The following RRP12 variants were observed in gnomAD, a reference collection of about 807,000 sequenced individuals.
The protein encoded by RRP12 is RRP12-like protein.
In RRP12, 78 loss-of-function variants were observed where a neutral mutation model predicts 157.3. The ratio of observed to expected loss-of-function variants is 0.50; its 90% CI spans 0.41 to 0.60. The LOEUF is 0.60. RRP12 is among the 20% of genes least tolerant of loss of function. The pLI, the probability that RRP12 is intolerant of heterozygous loss-of-function variation, is 0.00. For missense variants in RRP12, 1,521 were observed against 1,679.9 expected (o/e 0.91, Z 1.65); for synonymous variants, 726 against 670.9 (o/e 1.08, Z -1.27).
chr10:97,380,461 T>A (rs7092350), intron 13 of RRP12, among the ~76,000 whole-genome samples: 58,098 of 152,074 alleles, frequency 0.38, 11,575 homozygotes, highest in African/African-American at 0.5. Context: ...TGTTTAGAAC[T>A]TCAATGCTAT....
chr10:97,379,917 G>T, intron 13 of RRP12, 147 bp from the exon 14 acceptor site: 1 of 645,386 alleles, frequency 1.5e-6, no homozygotes, highest in South Asian at 3.2e-5. Context: ...ATTAACCACT[G>T]GTGACTGTAA....
At chr10:97,394,526 A>C (rs1456169879) in intron 3 of RRP12, among the ~76,000 whole-genome samples, 2 of 152,108 alleles carry the variant, frequency 1.3e-5, no homozygotes, top group South Asian at 2.1e-4. Flanking sequence ...AGCAGCTAGA[A>C]CTACAGGCAT....
chr10:97,389,884 T>C (rs1223090554), intron 6 of RRP12, among the ~76,000 whole-genome samples: 2 of 152,038 alleles, frequency 1.3e-5, no homozygotes, highest in African/African-American at 4.8e-5. Flanking sequence ...GGCTAATTTT[T>C]ATATTTTTAG....
intron 30 of RRP12, among the ~76,000 whole-genome samples, chr10:97,360,861 C>T (rs558597403): frequency 8.5e-5 from 13 of 152,186 alleles, no homozygotes; most frequent in Non-Finnish European, 1.6e-4. Context: ...CTGGTGGCGG[C>T]CGTTCCTGCT....
At chr10:97,397,451 C>A (rs575680460) in intron 2 of RRP12, among the ~76,000 whole-genome samples, 1 of 152,078 alleles carries the variant, frequency 6.6e-6, no homozygotes, top group African/African-American at 2.4e-5. Flanking sequence ...CGTGAGCCAC[C>A]TCGCCTGGTA....
In RRP12 at chr10:97,357,039, TG is replaced by T. The variant is rs2134988727; in HGVS notation, c.*54del. 2.9e-6 allele frequency: 3 copies of T among 1,034,606 alleles called. No homozygotes were observed. Among genetic ancestry groups the T allele is most frequent in the South Asian group, 1.4e-5 (1 of 73,478 alleles). The allele number at this position is 1,034,606 out of a possible 1,614,324, so 64.1% of individuals were successfully genotyped here. The stretch of plus-strand genomic sequence containing the variant: ...ACCTGGAGCTGGTGGCAAGGCAGCC[TG>T]GGGGCTGAAAGGGCCTCAGACTGGA... On this transcript the variant is annotated 3_prime_UTR_variant, in exon 34 of 34. Transcript: ENST00000370992.
intron 6 of RRP12, among the ~76,000 whole-genome samples, chr10:97,388,978 C>A (rs1298210722): frequency 6.6e-6 from 1 of 152,182 alleles, no homozygotes; most frequent in Non-Finnish European, 1.5e-5. Context: ...TGTTCTAGGT[C>A]CTGGCAAACT....
At chr10:97,387,884 G>C (rs1304835834) in intron 8 of RRP12, 1 of 175,700 alleles carries the variant, frequency 5.7e-6, no homozygotes, top group Non-Finnish European at 1.1e-5. Context: ...AGAGGTTGCA[G>C]TGAGCCAAGA....
At chr10:97,370,861 T>C in intron 21 of RRP12, 62 bp downstream of exon 21, 2 of 1,609,718 alleles carry the variant, frequency 1.2e-6, no homozygotes, top group South Asian at 1.1e-5. Context: ...GCCTCAACAG[T>C]GGCTCCTTTC....
intron 2 of RRP12, among the ~76,000 whole-genome samples, chr10:97,399,780 TG>T (rs1845085511): frequency 1.4e-5 from 2 of 147,024 alleles, no homozygotes; most frequent in South Asian, 4.3e-4. Context: ...TAGCCGGGCG[TG>T]GTGGCACATG....
intron 6 of RRP12, 55 bp downstream of exon 6, chr10:97,390,368 G>A (rs766372122): frequency 1.2e-5 from 17 of 1,362,204 alleles, no homozygotes; most frequent in Middle Eastern, 4.2e-4. Flanking sequence ...GGGCTGCACT[G>A]GGCTGAGTGG....
Position 97,379,276 on chromosome 10 carries a change from G to A in RRP12, c.1798+17C>T, listed in dbSNP as rs775239219. ...GTGGGGAGCCTCAGGTCACACACAG[G>A]CAAGGGTCTCTCCTACCTTTGCTCT... On this transcript the variant is annotated intron_variant, in intron 15 of 33. Transcript: ENST00000370992. The A allele has an allele frequency of 1.9e-6, 3 of 1,613,186 alleles. No individual in the cohort carries two copies. Among genetic ancestry groups the A allele is most frequent in the East Asian group, 2.2e-5 (1 of 44,838 alleles).
intron 10 of RRP12, 115 bp from the exon 11 acceptor site, chr10:97,381,941 C>A: frequency 1.4e-6 from 1 of 701,494 alleles, no homozygotes; most frequent in African/African-American, 1.8e-5. Flanking sequence ...CAGTGATCTG[C>A]AGGGCTCCGT....
intron 10 of RRP12, among the ~76,000 whole-genome samples, chr10:97,382,281 G>T (rs1240171342): frequency 6.6e-6 from 1 of 151,834 alleles, no homozygotes; most frequent in Non-Finnish European, 1.5e-5. Context: ...AGTAGCTGGG[G>T]CTACAGGCAC....
intron 17 of RRP12, 56 bp downstream of exon 17, chr10:97,373,519 G>A: frequency 6.6e-7 from 1 of 1,511,560 alleles, no homozygotes; most frequent in Non-Finnish European, 8.9e-7. Context: ...GCCAGGGGAT[G>A]GGGCCAGGGA....
In RRP12 at chr10:97,372,762, G is replaced by C; in HGVS notation, c.2223C>G (p.Leu741=). The C allele has an allele frequency of 6.4e-7, 1 of 1,563,070 alleles. No individual in the cohort carries two copies. Among genetic ancestry groups the C allele is most frequent in the Non-Finnish European group, 8.7e-7 (1 of 1,153,176 alleles). The change falls in exon 19 of 34, where the codon CTC becomes CTG. Residue 741 remains leucine (L), a synonymous_variant. Coordinates refer to ENST00000370992, the MANE Select transcript of RRP12 (RefSeq NM_015179.4). ...SLLEKASEKV[L]DPASSDFTRL... ...TGGTAAAGTCAGAGCTGGCAGGGTCGAGCACCTTCTCACTGGCTTTTTCCA... is the reference window on the plus strand; with the variant it reads ...TGGTAAAGTCAGAGCTGGCAGGGTCCAGCACCTTCTCACTGGCTTTTTCCA...
At position 97,358,566 on chromosome 10, in the gene RRP12, G is replaced by T. The variant is rs1843768511; in HGVS notation, c.3762C>A (p.Ile1254=). 1 of 1,613,886 alleles carries T rather than the reference G, an allele frequency of 6.2e-7. No individual in the cohort carries two copies. Among genetic ancestry groups the T allele is most frequent in the African/African-American group, 1.3e-5 (1 of 74,868 alleles). The change falls in exon 33 of 34, where the codon ATC becomes ATA. Residue 1254 remains isoleucine, a synonymous_variant. Transcript: ENST00000370992. Reference sequence around the variant, plus strand: ...GGTTGAGCTTGCTTCTGTTGAGGGGGATGTAGGCATAGGGATCCGGCCGGC... The same window carrying T: ...GGTTGAGCTTGCTTCTGTTGAGGGGTATGTAGGCATAGGGATCCGGCCGGC... ...KKGRPDPYAY[I]PLNRSKLNRR... is the part of the protein sequence containing the mutation.
rs538179008 is a variant in RRP12, at chr10:97,358,591, C to T, written c.3737G>A (p.Gly1246Asp). ...GATGTAGGCATAGGGATCCGGCCGG[C>T]CTTTCTTCTTCACATCACCTTTTGC... ...KKAKGDVKKK[G>D]RPDPYAYIPL... Residue 1246 changes from glycine (G) to aspartate (D), a missense_variant, in exon 33 of 34, where the codon GGC becomes GAC. Coordinates refer to ENST00000370992, the MANE Select transcript of RRP12 (RefSeq NM_015179.4). The T allele has an allele frequency of 2.8e-5, 45 of 1,614,016 alleles. No homozygotes were observed. The highest frequency in any genetic ancestry group is 3.6e-5 in the Non-Finnish European group (43 of 1,179,974).
intron 3 of RRP12, 66 bp from the exon 4 acceptor site, chr10:97,393,826 G>A (rs940258426): frequency 4.6e-6 from 6 of 1,311,982 alleles, no homozygotes; most frequent in African/African-American, 1.5e-5. Flanking sequence ...GAAAGAGAGT[G>A]GGGGAACATG....
Sources: allele counts gnomAD v4.1 joint callset (sites outside exome capture counted in the v4.1 genomes callset), GRCh38; gene constraint gnomAD v4.1.1; transcripts MANE v1.5; gene names NCBI Gene and HGNC (gene_info 2026-07-23, HGNC 2026-07-21).